BAZ2A: variants seen among roughly 807,000 people sequenced by gnomAD.
The protein encoded by BAZ2A is bromodomain adjacent to zinc finger domain 2A.
In BAZ2A, 34 loss-of-function variants were observed where a neutral mutation model predicts 199.9. The observed-to-expected ratio is 0.17, with a 90% CI of 0.13 to 0.23. The LOEUF is 0.23. Ranked by LOEUF, BAZ2A falls within the 10% of genes least tolerant of loss-of-function variation. The pLI, the probability that BAZ2A is intolerant of heterozygous loss-of-function variation, is 1.00. For missense variants in BAZ2A, 2,002 were observed against 2,391.1 expected, an observed-to-expected ratio of 0.84 and a Z score of 3.39; for synonymous variants, 857 against 883.9, an observed-to-expected ratio of 0.97 and a Z score of 0.54.
chr12:56,607,548 T>G (rs1030470486), intron 10 of BAZ2A, among the ~76,000 whole-genome samples: 1 of 152,150 alleles, frequency 6.6e-6, no homozygotes, highest in African/African-American at 2.4e-5. Flanking sequence ...ATTTTTAGTA[T>G]TTTTAGTACA....
At chr12:56,611,359 AAAG>A in intron 7 of BAZ2A, 1 of 603,836 alleles carries the variant, frequency 1.7e-6, no homozygotes, top group South Asian at 2.1e-5. Context: ...CAAGATGAAA[AAAG>A]AATAGGTGAT....
upstream of BAZ2A, chr12:56,638,074 A>C (rs1293554775): frequency 1.2e-5 from 5 of 408,252 alleles, no homozygotes; most frequent in African/African-American, 2.0e-5. Context: ...GTTAGAGACC[A>C]GTCTTGGCAA....
At chr12:56,631,162 TC>T (rs779201318), upstream of BAZ2A, among the ~76,000 whole-genome samples, 2 of 151,966 alleles carry the variant, frequency 1.3e-5, no homozygotes, top group African/African-American at 2.4e-5. Context: ...TTAGAGAATT[TC>T]TAGTTCAGGC....
chr12:56,612,283 A>G (rs777215091), intron 5 of BAZ2A, 37 bp from the exon 6 acceptor site: 2 of 1,544,450 alleles, frequency 1.3e-6, no homozygotes, highest in Non-Finnish European at 1.8e-6. Flanking sequence ...TTTAAAAAAA[A>G]AAAAGGCATC....
At chr12:56,629,390 A>T (rs916893422) in intron 1 of BAZ2A, among the ~76,000 whole-genome samples, 2 of 152,210 alleles carry the variant, frequency 1.3e-5, no homozygotes, top group Non-Finnish European at 2.9e-5. Flanking sequence ...CTGCCACGGA[A>T]GCGGGGATCC....
At chr12:56,626,261 C>G (rs554032716) in intron 1 of BAZ2A, among the ~76,000 whole-genome samples, 2 of 152,204 alleles carry the variant, frequency 1.3e-5, no homozygotes, top group African/African-American at 4.8e-5. Flanking sequence ...GGTTATTTAC[C>G]CCAGGAATTA....
Position 56,597,783 on chromosome 12 carries a change from G to A in BAZ2A, c.*835C>T, listed in dbSNP as rs577116743. 2.2e-3 allele frequency: 333 copies of A among 152,776 alleles called. No individual in the cohort carries two copies. Among genetic ancestry groups the A allele is most frequent in the Admixed American group, 5.0e-3 (77 of 15,294 alleles). The allele number at this position is 152,776 out of a possible 1,614,324, so 9.5% of individuals were successfully genotyped here. A position where few individuals can be genotyped will look rare whatever the true frequency, so the allele number is the denominator to read the frequency against. ...GTTCCCAAGAGGGTTTGGGAAGGAG[G>A]TGGGGAAGGAGGCTGGAAGGCCCAG... On this transcript the variant is annotated 3_prime_UTR_variant, in exon 29 of 29. Transcript: ENST00000549884.
At chr12:56,627,456 A>C (rs1177883672) in intron 1 of BAZ2A, among the ~76,000 whole-genome samples, 10 of 135,748 alleles carry the variant, frequency 7.4e-5, no homozygotes, top group Non-Finnish European at 1.6e-4. Flanking sequence ...ACAGAGCGAG[A>C]CTCCATCTCA....
upstream of BAZ2A, among the ~76,000 whole-genome samples, chr12:56,631,912 C>A (rs150236258): frequency 5.9e-5 from 9 of 152,220 alleles, no homozygotes; most frequent in African/African-American, 1.7e-4. Flanking sequence ...TCCACCCCCC[C>A]ACTACAAATG....
chr12:56,616,200 C>CT (rs900162723), intron 2 of BAZ2A, among the ~76,000 whole-genome samples: 10 of 151,428 alleles, frequency 6.6e-5, no homozygotes, highest in East Asian at 3.9e-4. Context: ...CACGCCTGGC[C>CT]TTTTTTTTTG....
At chr12:56,633,003 T>C (rs1020786582), upstream of BAZ2A, among the ~76,000 whole-genome samples, 3 of 152,002 alleles carry the variant, frequency 2.0e-5, no homozygotes, top group African/African-American at 7.3e-5. Flanking sequence ...AGGAAGCTAC[T>C]AGAAAGGGGA....
upstream of BAZ2A, among the ~76,000 whole-genome samples, chr12:56,632,712 G>A (rs1951348556): frequency 6.6e-6 from 1 of 152,188 alleles, no homozygotes; most frequent in African/African-American, 2.4e-5. Flanking sequence ...CCCATCTGGT[G>A]CAGAAAGACT....
chr12:56,617,673 G>A (rs1950767530), intron 1 of BAZ2A, 141 bp from the exon 2 acceptor site: 1 of 938,544 alleles, frequency 1.1e-6, no homozygotes, highest in African/African-American at 1.7e-5. Context: ...GGAAGGTACA[G>A]AATAAGAAAA....
intron 1 of BAZ2A, among the ~76,000 whole-genome samples, chr12:56,625,719 T>TA (rs1283723530): frequency 4.0e-5 from 6 of 150,936 alleles, no homozygotes. Flanking sequence ...CTACTAAAAA[T>TA]ACAAAAATTA....
intron 16 of BAZ2A, 124 bp from the exon 17 acceptor site, chr12:56,603,824 C>T: frequency 9.3e-7 from 1 of 1,077,596 alleles, no homozygotes; most frequent in South Asian, 1.6e-5. Flanking sequence ...ACCAGCCTGG[C>T]CAACATGGTG....
Position 56,613,261 on chromosome 12 carries a change from C to A in BAZ2A, c.917-28G>T, listed in dbSNP as rs775412781. ...GTTTACAAGGGTAGAAAAATCAGAG[C>A]AGGATAATGAGAAAAAAATCAGAAA... On this transcript the variant is annotated intron_variant, in intron 4 of 28. Coordinates refer to ENST00000549884, the MANE Select transcript of BAZ2A (RefSeq NM_001300905.2). 5 of 1,599,950 alleles carry A rather than the reference C, an allele frequency of 3.1e-6. No homozygotes were observed. In the Admixed American group the frequency reaches 8.4e-5, roughly 27 times the overall value.
At chr12:56,617,654 C>T (rs1950766669) in intron 1 of BAZ2A, 122 bp from the exon 2 acceptor site, 1 of 1,068,984 alleles carries the variant, frequency 9.4e-7, no homozygotes. Context: ...TACCTAAGTA[C>T]TGTGTGAGGG....
upstream of BAZ2A, chr12:56,630,747 G>A (rs113612004): frequency 2.8e-3 from 2,775 of 974,300 alleles, 53 homozygotes; most frequent in African/African-American, 0.044. Context: ...AAAGGGATGG[G>A]GAGAGGCAAG....
chr12:56,600,650 A>G, intron 23 of BAZ2A, 31 bp downstream of exon 23: 2 of 1,603,580 alleles, frequency 1.2e-6, no homozygotes, highest in African/African-American at 2.7e-5. Context: ...CTTTTCCCCA[A>G]CCTTCCTACA....
Sources: gnomAD v4.1 joint callset for allele counts (sites outside exome capture counted in the v4.1 genomes callset) on GRCh38, gnomAD v4.1.1 for gene constraint, MANE v1.5 for transcripts, NCBI Gene and HGNC (gene_info 2026-07-23, HGNC 2026-07-21) for gene names.